PTPN1: variants seen among roughly 807,000 people sequenced by gnomAD.
The protein encoded by PTPN1 is tyrosine-protein phosphatase non-receptor type 1.
A neutral mutation model predicts 59.9 loss-of-function variants in PTPN1; 12 were observed. The observed-to-expected ratio is 0.20, with a 90% CI of 0.13 to 0.32. PTPN1 has a LOEUF of 0.32. PTPN1 is among the 10% of genes least tolerant of loss of function. The pLI, the probability that PTPN1 is intolerant of heterozygous loss-of-function variation, is 1.00. For synonymous variants in PTPN1, 178 were observed against 203.6 expected, an observed-to-expected ratio of 0.87 and a Z score of 1.07; for missense variants, 356 against 549.2, an observed-to-expected ratio of 0.65 and a Z score of 3.52.
intron 1 of PTPN1, among the ~76,000 whole-genome samples, chr20:50,526,738 G>A (rs1373570620): frequency 6.6e-6 from 1 of 151,860 alleles, no homozygotes; most frequent in Non-Finnish European, 1.5e-5. Flanking sequence ...CCCCACCGCA[G>A]CCTCCTCACT....
At chr20:50,550,100 G>A (rs1200889513) in intron 1 of PTPN1, among the ~76,000 whole-genome samples, 3 of 150,732 alleles carry the variant, frequency 2.0e-5, no homozygotes, top group African/African-American at 4.9e-5. Flanking sequence ...CCTATTCAGC[G>A]ACTACTGCAA....
At chr20:50,542,358 A>T (rs183727232) in intron 1 of PTPN1, among the ~76,000 whole-genome samples, 41 of 152,362 alleles carry the variant, frequency 2.7e-4, no homozygotes, top group African/African-American at 9.6e-4. Context: ...GCACAGTAGG[A>T]AAGACACATT....
At chr20:50,558,781 A>G (rs1295594542) in intron 1 of PTPN1, among the ~76,000 whole-genome samples, 3 of 151,382 alleles carry the variant, frequency 2.0e-5, no homozygotes. Context: ...CGTGAGTCAT[A>G]CTCCTCCAAT....
At chr20:50,555,722 AT>A (rs879269992) in intron 1 of PTPN1, among the ~76,000 whole-genome samples, 1,950 of 143,298 alleles carry the variant, frequency 0.014, 23 homozygotes, top group African/African-American at 0.041. Context: ...TCTTACCTCT[AT>A]TTTTTTTTTT....
At position 50,575,463 on chromosome 20, in the gene PTPN1, G is replaced by A. The variant is rs145145246; in HGVS notation, c.492+809G>A. 3.9e-5 allele frequency among the ~76,000 whole-genome samples: 6 copies of A among 152,320 alleles called. No homozygotes were observed. In the East Asian group the frequency reaches 1.2e-3, roughly 29 times the overall value. ...ACGGGAAGGGTTAGCAGTTACCATG[G>A]GTGTGTAGCACGGGCTTTATCTGAA... On this transcript the variant is annotated intron_variant, in intron 5 of 9. Coordinates refer to ENST00000371621, the MANE Select transcript of PTPN1 (RefSeq NM_002827.4).
intron 1 of PTPN1, 132 bp downstream of exon 1, chr20:50,510,722 A>G: frequency 1.0e-6 from 1 of 956,936 alleles, no homozygotes; most frequent in Non-Finnish European, 1.5e-6. Flanking sequence ...ATTCGATGGG[A>G]CAGCGACGCA....
intron 1 of PTPN1, among the ~76,000 whole-genome samples, chr20:50,519,262 C>T (rs1446422945): frequency 2.6e-5 from 4 of 152,138 alleles, no homozygotes; most frequent in African/African-American, 7.2e-5. Flanking sequence ...GAAGTTTCTC[C>T]AAAAAATTTA....
Position 50,581,387 on chromosome 20 carries a change from G to T in PTPN1, c.1211G>T (p.Ser404Ile). 4 of 1,614,086 alleles carry T rather than the reference G, an allele frequency of 2.5e-6. No homozygotes were observed. Among genetic ancestry groups the T allele is most frequent in the Non-Finnish European group, 3.4e-6 (4 of 1,179,920 alleles). ...GAGAAGGACGAGGACCATGCACTGA[G>T]TTACTGGAAGCCCTTCCTGGTCAAC... ...LPEKDEDHAL[S>I]YWKPFLVNMC... Residue 404 changes from serine to isoleucine, a missense_variant, in exon 9 of 10, where the codon AGT (serine) becomes ATT (isoleucine). Coordinates refer to ENST00000371621, the MANE Select transcript of PTPN1 (RefSeq NM_002827.4).
intron 1 of PTPN1, among the ~76,000 whole-genome samples, chr20:50,548,729 A>G (rs1219582142): frequency 2.0e-5 from 3 of 151,620 alleles, no homozygotes; most frequent in Admixed American, 2.0e-4. Flanking sequence ...TATTTATTCT[A>G]ATTTGAGAGG....
chr20:50,518,101 C>G lies in PTPN1; in HGVS notation c.63+7511C>G, dbSNP rs191346867. Reference sequence around the variant, plus strand: ...TTAAGAAACGTTTTTCGACTTTTTTCCTTTCTTAATGGATCTTTTATTGGC... The same window carrying G: ...TTAAGAAACGTTTTTCGACTTTTTTGCTTTCTTAATGGATCTTTTATTGGC... On this transcript the variant is annotated intron_variant, in intron 1 of 9. Coordinates refer to ENST00000371621, the MANE Select transcript of PTPN1 (RefSeq NM_002827.4). Among the ~76,000 whole-genome samples the G allele has an allele frequency of 3.9e-3, 587 of 152,246 alleles. 1 individual carries two copies. Among genetic ancestry groups the G allele is most frequent in the Non-Finnish European group, 4.5e-3 (304 of 67,996 alleles).
intron 1 of PTPN1, among the ~76,000 whole-genome samples, chr20:50,519,045 A>G (rs1224911043): frequency 6.6e-6 from 1 of 152,170 alleles, no homozygotes; most frequent in African/African-American, 2.4e-5. Context: ...TCTTGAATAA[A>G]TCTTAGGAAT....
At chr20:50,529,497 C>T (rs963402469) in intron 1 of PTPN1, among the ~76,000 whole-genome samples, 1 of 152,176 alleles carries the variant, frequency 6.6e-6, no homozygotes, top group Non-Finnish European at 1.5e-5. Context: ...TAAACTTTTA[C>T]TGGTTTGGAA....
At chr20:50,535,778 T>C (rs935798413) in intron 1 of PTPN1, among the ~76,000 whole-genome samples, 1 of 152,194 alleles carries the variant, frequency 6.6e-6, no homozygotes, top group African/African-American at 2.4e-5. Flanking sequence ...TTCACATCTT[T>C]GTATCCTCAG....
chr20:50,569,020 AC>A (rs2082793316), intron 4 of PTPN1, among the ~76,000 whole-genome samples: 1 of 151,420 alleles, frequency 6.6e-6, no homozygotes, highest in Non-Finnish European at 1.5e-5. Flanking sequence ...CTTTTCAAAC[AC>A]CCCTCGGGCT....
chr20:50,543,616 C>T (rs2082662101), intron 1 of PTPN1, among the ~76,000 whole-genome samples: 1 of 152,080 alleles, frequency 6.6e-6, no homozygotes, highest in Admixed American at 6.6e-5. Flanking sequence ...TTAAGCTGAC[C>T]AAGCCAGAAG....
intron 1 of PTPN1, among the ~76,000 whole-genome samples, chr20:50,512,203 A>G (rs998263817): frequency 6.6e-6 from 1 of 152,178 alleles, no homozygotes; most frequent in Non-Finnish European, 1.5e-5. Context: ...TGTGTAGACA[A>G]ATTTTCTGCA....
At chr20:50,535,412 G>T (rs904347419) in intron 1 of PTPN1, among the ~76,000 whole-genome samples, 2 of 152,136 alleles carry the variant, frequency 1.3e-5, no homozygotes, top group African/African-American at 4.8e-5. Context: ...AGCGGAGCAC[G>T]TGCCTCCCTC....
chr20:50,559,889 T>G (rs946032375), intron 1 of PTPN1, among the ~76,000 whole-genome samples: 1 of 152,102 alleles, frequency 6.6e-6, no homozygotes, highest in Non-Finnish European at 1.5e-5. Flanking sequence ...TTTTGTTTTT[T>G]GTTTTTATGT....
intron 4 of PTPN1, among the ~76,000 whole-genome samples, chr20:50,569,304 T>C (rs2082794743): frequency 6.6e-6 from 1 of 152,234 alleles, no homozygotes; most frequent in Non-Finnish European, 1.5e-5. Context: ...CTTGGAACTT[T>C]AGCCAGGACA....
Sources: gnomAD v4.1 joint callset for allele counts (sites outside exome capture counted in the v4.1 genomes callset) on GRCh38, gnomAD v4.1.1 for gene constraint, MANE v1.5 for transcripts, NCBI Gene and HGNC (gene_info 2026-07-23, HGNC 2026-07-21) for gene names.